PTPRD: variants seen among roughly 807,000 people sequenced by gnomAD.
PTPRD encodes receptor-type tyrosine-protein phosphatase delta.
In PTPRD, 34 loss-of-function variants were observed where a neutral mutation model predicts 214.5. The ratio of observed to expected loss-of-function variants is 0.16; its 90% confidence interval spans 0.12 to 0.21. PTPRD has a LOEUF of 0.21. Among genes scored for constraint, PTPRD ranks in the 10% least tolerant of loss-of-function variants. PTPRD has a pLI of 1.00. For missense variants in PTPRD, 2,545 were observed against 2,398.7 expected, an observed-to-expected ratio of 1.06 and a Z score of -1.27; for synonymous variants, 1,128 against 845.7, an observed-to-expected ratio of 1.33 and a Z score of -5.79.
At chr9:9,864,358 C>G (rs1236866445) in intron 5 of PTPRD, among the ~76,000 whole-genome samples, 1 of 150,456 alleles carries the variant, frequency 6.6e-6, no homozygotes, top group Admixed American at 6.6e-5. Flanking sequence ...GTGGGATATA[C>G]AGATATAGCT....
chr9:10,440,321 G>C (rs928735383), intron 2 of PTPRD, among the ~76,000 whole-genome samples: 2 of 151,638 alleles, frequency 1.3e-5, no homozygotes, highest in African/African-American at 4.8e-5. Context: ...AGTTTTTTAA[G>C]TTAGTGCTAT....
chr9:9,072,164 C>G (rs1375910552), intron 10 of PTPRD, among the ~76,000 whole-genome samples: 1 of 152,032 alleles, frequency 6.6e-6, no homozygotes, highest in Admixed American at 6.6e-5. Context: ...TTTAAAAACA[C>G]CAGCTACTAT....
intron 2 of PTPRD, among the ~76,000 whole-genome samples, chr9:10,527,143 G>A (rs1365673942): frequency 2.0e-5 from 3 of 152,124 alleles, no homozygotes; most frequent in Non-Finnish European, 4.4e-5. Flanking sequence ...GCTATGGTGT[G>A]AATAGACAGA....
At chr9:8,357,837 A>ACACT (rs1322124325) in intron 39 of PTPRD, among the ~76,000 whole-genome samples, 1 of 152,166 alleles carries the variant, frequency 6.6e-6, no homozygotes, top group African/African-American at 2.4e-5. Context: ...TGCAAGCCCC[A>ACACT]CACTCAACAT....
intron 5 of PTPRD, among the ~76,000 whole-genome samples, chr9:9,933,874 C>A (rs1566482235): frequency 6.7e-6 from 1 of 148,820 alleles, no homozygotes; most frequent in Non-Finnish European, 1.5e-5. Flanking sequence ...TTATAACAAA[C>A]TATCTCTCAG....
intron 11 of PTPRD, among the ~76,000 whole-genome samples, chr9:8,808,777 A>G (rs981806519): frequency 6.6e-6 from 1 of 152,184 alleles, no homozygotes; most frequent in Non-Finnish European, 1.5e-5. Flanking sequence ...GATGTTGATA[A>G]TAGTTCTTCC....
chr9:10,472,734 A>C (rs2099039211), intron 2 of PTPRD, among the ~76,000 whole-genome samples: 1 of 152,098 alleles, frequency 6.6e-6, no homozygotes, highest in Non-Finnish European at 1.5e-5. Flanking sequence ...GAATTCTCTT[A>C]TACATGGAGA....
Position 9,643,595 on chromosome 9 carries a change from T to C in PTPRD, c.-286-68814A>G, listed in dbSNP as rs187226081. Among the ~76,000 whole-genome samples, 32 of 152,256 alleles carry C rather than the reference T, an allele frequency of 2.1e-4. No individual in the cohort carries two copies. The East Asian group carries it at 6.0e-3, about 28-fold the overall frequency. On this transcript the variant is annotated intron_variant, in intron 7 of 45. Transcript: ENST00000381196. The stretch of plus-strand genomic sequence containing the variant: ...TAGCATCCTCACCTTATAAAATTAA[T>C]AGATCCTCACTTTTAAACATATTAT...
chr9:9,666,560 A>G (rs2154383527), intron 7 of PTPRD, among the ~76,000 whole-genome samples: 1 of 152,112 alleles, frequency 6.6e-6, no homozygotes, highest in African/African-American at 2.4e-5. Context: ...ATAAAACAAT[A>G]ATCATCATCA....
At chr9:8,710,171 A>G (rs2098300081) in intron 12 of PTPRD, among the ~76,000 whole-genome samples, 1 of 152,174 alleles carries the variant, frequency 6.6e-6, no homozygotes, top group Admixed American at 6.5e-5. Flanking sequence ...TTTCCTGGCA[A>G]TAGTGGACCA....
intron 2 of PTPRD, among the ~76,000 whole-genome samples, chr9:10,367,352 T>G (rs898174183): frequency 2.6e-5 from 4 of 152,078 alleles, no homozygotes; most frequent in African/African-American, 9.7e-5. Flanking sequence ...TGACCTTTCT[T>G]TAAATGGAAG....
At chr9:8,371,467 A>G (rs990880060) in intron 39 of PTPRD, among the ~76,000 whole-genome samples, 3 of 152,066 alleles carry the variant, frequency 2.0e-5, no homozygotes, top group African/African-American at 4.8e-5. Flanking sequence ...AAACTTGCAC[A>G]GTGTGAACCT....
chr9:9,901,180 A>G (rs1348546405), intron 5 of PTPRD, among the ~76,000 whole-genome samples: 1 of 152,104 alleles, frequency 6.6e-6, no homozygotes, highest in Non-Finnish European at 1.5e-5. Flanking sequence ...TAACCATCCC[A>G]ATTATATGTC....
intron 6 of PTPRD, among the ~76,000 whole-genome samples, chr9:9,735,282 T>G (rs753524417): frequency 1.3e-5 from 2 of 152,152 alleles, no homozygotes; most frequent in African/African-American, 2.4e-5. Context: ...GCCTGCCTGC[T>G]TCTGTGTTTG....
chr9:10,171,268 G>A (rs2099203277), intron 3 of PTPRD, among the ~76,000 whole-genome samples: 1 of 152,090 alleles, frequency 6.6e-6, no homozygotes, highest in South Asian at 2.1e-4. Flanking sequence ...ATTCCCACAT[G>A]TTGTGGGAGG....
intron 12 of PTPRD, among the ~76,000 whole-genome samples, chr9:8,698,615 C>G: frequency 6.6e-6 from 1 of 152,178 alleles, no homozygotes; most frequent in East Asian, 1.9e-4. Context: ...TCTTTAAACT[C>G]AGGAAGGCTG....
intron 3 of PTPRD, among the ~76,000 whole-genome samples, chr9:10,331,472 A>C (rs2096749537): frequency 6.6e-6 from 1 of 151,840 alleles, no homozygotes; most frequent in Non-Finnish European, 1.5e-5. Context: ...GAATTCCCTG[A>C]TTCACAGTTT....
chr9:10,208,571 T>C (rs2099498209), intron 3 of PTPRD, among the ~76,000 whole-genome samples: 1 of 152,176 alleles, frequency 6.6e-6, no homozygotes, highest in Non-Finnish European at 1.5e-5. Context: ...ACACATAAAA[T>C]GCAACTAAAT....
At chr9:8,622,122 A>G (rs559391002) in intron 14 of PTPRD, among the ~76,000 whole-genome samples, 2 of 152,058 alleles carry the variant, frequency 1.3e-5, no homozygotes, top group East Asian at 3.9e-4. Context: ...ATAAAAAATG[A>G]TAAGTGCAGC....
Sources: allele counts gnomAD v4.1 joint callset (sites outside exome capture counted in the v4.1 genomes callset), GRCh38; gene constraint gnomAD v4.1.1; transcripts MANE v1.5; gene names NCBI Gene and HGNC (gene_info 2026-07-23, HGNC 2026-07-21).